Variants in CDC16 observed in about 807,000 individuals in gnomAD.
CDC16 encodes the protein cell division cycle protein 16 homolog.
A neutral mutation model predicts 87.0 loss-of-function variants in CDC16; 34 were observed. That is an observed-to-expected ratio of 0.39 (90% CI 0.30 to 0.52). CDC16 has a LOEUF of 0.52. Ranked by LOEUF, CDC16 falls within the 20% of genes least tolerant of loss-of-function variation. CDC16 has a pLI of 0.74. For missense variants in CDC16, 653 were observed against 751.9 expected, an observed-to-expected ratio of 0.87 and a Z score of 1.54; for synonymous variants, 263 against 260.6, an observed-to-expected ratio of 1.01 and a Z score of -0.09.
intron 17 of CDC16, among the ~76,000 whole-genome samples, chr13:114,266,688 A>G (rs999847321): frequency 2.1e-4 from 32 of 151,564 alleles, no homozygotes; most frequent in African/African-American, 6.3e-4. Flanking sequence ...TTTTATTAAT[A>G]TTACTGAATC....
At chr13:114,238,626 G>A (rs896248221) in intron 3 of CDC16, among the ~76,000 whole-genome samples, 4 of 152,222 alleles carry the variant, frequency 2.6e-5, no homozygotes, top group African/African-American at 9.6e-5. Flanking sequence ...GCTACCCAGT[G>A]CTCCACTCCT....
chr13:114,250,491 C>CA (rs59513608), intron 11 of CDC16, 58 bp from the exon 12 acceptor site: 200,067 of 1,223,658 alleles, frequency 0.16, 1,884 homozygotes, highest in East Asian at 0.34. Context: ...GACTTTGTCT[C>CA]AAAAAAAAAA....
intron 5 of CDC16, among the ~76,000 whole-genome samples, chr13:114,240,054 A>G (rs749294412): frequency 1.3e-5 from 2 of 152,174 alleles, no homozygotes; most frequent in Non-Finnish European, 2.9e-5. Context: ...TTTATATGCC[A>G]TGCAGTTCCC....
In CDC16 at chr13:114,272,275, C is replaced by T. The variant is rs2083739555; in HGVS notation, c.1695C>T (p.Phe565=). 6.2e-7 allele frequency: 1 copy of T among 1,613,910 alleles called. No individual in the cohort carries two copies. ...LKNIISPPWD[F]REFEVEKQTA... is the part of the protein sequence containing the mutation. ...ACATTATTTCACCTCCGTGGGATTT[C>T]AGGGAATTTGAAGTAGAAAAACAGA... is the stretch of plus-strand genomic sequence containing the variant. Residue 565 remains phenylalanine (F), a synonymous_variant, in exon 18 of 18, where the codon TTC becomes TTT. Transcript: ENST00000356221.
intron 10 of CDC16, among the ~76,000 whole-genome samples, chr13:114,246,674 A>C (rs1322381315): frequency 2.0e-5 from 3 of 152,202 alleles, no homozygotes; most frequent in African/African-American, 7.2e-5. Flanking sequence ...CAGGGGAGTC[A>C]GGACTCACAG....
chr13:114,268,726 A>G (rs1354070608), intron 17 of CDC16, among the ~76,000 whole-genome samples: 2 of 152,182 alleles, frequency 1.3e-5, no homozygotes, highest in East Asian at 1.9e-4. Context: ...GGGCTGAGGC[A>G]GGAGGATTAC....
At chr13:114,237,923 C>A (rs2081335111) in intron 3 of CDC16, among the ~76,000 whole-genome samples, 2 of 152,230 alleles carry the variant, frequency 1.3e-5, no homozygotes, top group Non-Finnish European at 2.9e-5. Flanking sequence ...CATTCAGTGA[C>A]TTCCCATTAG....
At chr13:114,250,137 A>G (rs1420619112) in intron 11 of CDC16, among the ~76,000 whole-genome samples, 2 of 152,126 alleles carry the variant, frequency 1.3e-5, no homozygotes, top group Non-Finnish European at 1.5e-5. Flanking sequence ...GCAGTGAGCT[A>G]TGATCATACC....
At chr13:114,261,320 G>T (rs903018655) in intron 14 of CDC16, among the ~76,000 whole-genome samples, 1 of 152,118 alleles carries the variant, frequency 6.6e-6, no homozygotes, top group Non-Finnish European at 1.5e-5. Flanking sequence ...AACCCGGTCA[G>T]ACTTTTATGA....
At chr13:114,247,234 G>C (rs1414598971) in intron 11 of CDC16, 8 of 503,152 alleles carry the variant, frequency 1.6e-5, no homozygotes, top group African/African-American at 1.2e-4. Context: ...CTAGAGTGCA[G>C]TGGTGCAATA....
intron 12 of CDC16, among the ~76,000 whole-genome samples, chr13:114,253,321 C>A (rs968675975): frequency 5.3e-5 from 8 of 152,084 alleles, no homozygotes; most frequent in African/African-American, 1.9e-4. Flanking sequence ...CCCAAATTTT[C>A]TTCTTTTGTT....
intron 11 of CDC16, among the ~76,000 whole-genome samples, chr13:114,250,054 G>C (rs1272737851): frequency 2.6e-5 from 4 of 152,162 alleles, no homozygotes; most frequent in Non-Finnish European, 5.9e-5. Context: ...TGGGCACAGT[G>C]GCTCGTGCCT....
At chr13:114,266,719 A>C (rs1317776986) in intron 17 of CDC16, among the ~76,000 whole-genome samples, 1 of 150,412 alleles carries the variant, frequency 6.6e-6, no homozygotes, top group Non-Finnish European at 1.5e-5. Context: ...TTTGAGACGG[A>C]GTCTCGCTCT....
At chr13:114,269,791 G>A (rs2139216946) in intron 17 of CDC16, among the ~76,000 whole-genome samples, 1 of 152,260 alleles carries the variant, frequency 6.6e-6, no homozygotes, top group South Asian at 2.1e-4. Flanking sequence ...TGCAACCTCT[G>A]CCTCCTGGGT....
At chr13:114,258,532 A>G (rs937957682) in intron 13 of CDC16, among the ~76,000 whole-genome samples, 1 of 152,210 alleles carries the variant, frequency 6.6e-6, no homozygotes, top group Non-Finnish European at 1.5e-5. Flanking sequence ...ATTGTGATAC[A>G]CTTTTGTGTT....
chr13:114,241,723 T>A (rs1285014391), intron 5 of CDC16, among the ~76,000 whole-genome samples: 2 of 152,214 alleles, frequency 1.3e-5, no homozygotes, highest in Middle Eastern at 3.2e-3. Flanking sequence ...AATAAAAACT[T>A]CTCAGCATTC....
At chr13:114,263,332 A>G (rs1161722787) in intron 16 of CDC16, among the ~76,000 whole-genome samples, 1 of 152,190 alleles carries the variant, frequency 6.6e-6, no homozygotes, top group Non-Finnish European at 1.5e-5. Flanking sequence ...CTTTCTGTTC[A>G]TGACTGTCCC....
chr13:114,244,857 T>G, intron 8 of CDC16, 33 bp from the exon 9 acceptor site: 1 of 1,445,594 alleles, frequency 6.9e-7, no homozygotes, highest in Non-Finnish European at 9.7e-7. Flanking sequence ...ACCTGCTGGT[T>G]TGGGGGTAGT....
Position 114,239,467 on chromosome 13 carries a change from G to T in CDC16, c.358G>T (p.Asp120Tyr). 1 of 1,611,568 alleles carries T rather than the reference G, an allele frequency of 6.2e-7. No individual in the cohort carries two copies. Among genetic ancestry groups the T allele is most frequent in the Non-Finnish European group, 8.5e-7 (1 of 1,178,116 alleles). Residue 120 changes from aspartate (D) to tyrosine (Y), a missense_variant, in exon 5 of 18, where the codon GAC becomes TAC. Coordinates refer to ENST00000356221, the MANE Select transcript of CDC16 (RefSeq NM_001078645.3). ...DESGFKDPSSDWEMSQSSIKS... is the reference protein window; with the variant it reads ...DESGFKDPSSYWEMSQSSIKS... ...AAGTGGCTTCAAAGATCCTTCCAGC[G>T]ACTGGGAAATGTCACAGTCTTCAGT...
Sources: gnomAD v4.1 joint callset for allele counts (sites outside exome capture counted in the v4.1 genomes callset) on GRCh38, gnomAD v4.1.1 for gene constraint, MANE v1.5 for transcripts, NCBI Gene and HGNC (gene_info 2026-07-23, HGNC 2026-07-21) for gene names.